Variants in PIP5K1B observed in about 807,000 individuals in gnomAD.
The protein encoded by PIP5K1B is phosphatidylinositol-4-phosphate 5-kinase type 1 beta.
A neutral mutation model predicts 67.0 loss-of-function variants in PIP5K1B; 42 were observed. The ratio of observed to expected loss-of-function variants is 0.63; its 90% CI spans 0.49 to 0.81. The LOEUF (loss-of-function observed/expected upper bound fraction) is 0.81. Among genes scored for constraint, PIP5K1B ranks in the 30% least tolerant of loss-of-function variants. The probability of loss-of-function intolerance (pLI) is 0.00; values close to 1 mark genes in which losing one functional copy is unlikely to be tolerated. For missense variants in PIP5K1B, 459 were observed against 646.3 expected, an observed-to-expected ratio of 0.71 and a Z score of 3.14; for synonymous variants, 214 against 231.4, an observed-to-expected ratio of 0.92 and a Z score of 0.68.
chr9:68,740,123 A>G (rs1828933286), intron 1 of PIP5K1B, among the ~76,000 whole-genome samples: 1 of 152,200 alleles, frequency 6.6e-6, no homozygotes, highest in African/African-American at 2.4e-5. Flanking sequence ...GGAGCAAAAC[A>G]GAAAGCCAGT....
intron 2 of PIP5K1B, chr9:68,780,796 A>G (rs377468438): frequency 2.5e-6 from 4 of 1,614,108 alleles, no homozygotes; most frequent in Non-Finnish European, 2.5e-6. Context: ...ATGGAAACTG[A>G]ATATCAGCCA....
chr9:68,950,216 A>T (rs1467769913), intron 14 of PIP5K1B, among the ~76,000 whole-genome samples: 1 of 152,090 alleles, frequency 6.6e-6, no homozygotes, highest in Non-Finnish European at 1.5e-5. Context: ...TTCTGTAGTC[A>T]AGCAGGGTAA....
At chr9:68,812,693 C>T (rs1440395210) in intron 2 of PIP5K1B, among the ~76,000 whole-genome samples, 1 of 152,218 alleles carries the variant, frequency 6.6e-6, no homozygotes, top group Non-Finnish European at 1.5e-5. Flanking sequence ...CTCCACTGTC[C>T]AATTCTTATC....
At chr9:68,877,608 T>C (rs2132322393) in intron 6 of PIP5K1B, among the ~76,000 whole-genome samples, 1 of 152,338 alleles carries the variant, frequency 6.6e-6, no homozygotes, top group South Asian at 2.1e-4. Flanking sequence ...ATAATGCTTT[T>C]CAGAGGAAGT....
chr9:68,838,157 A>G (rs1587533267), intron 4 of PIP5K1B, among the ~76,000 whole-genome samples: 1 of 145,754 alleles, frequency 6.9e-6, no homozygotes, highest in South Asian at 2.1e-4. Flanking sequence ...ATGTGAGTTT[A>G]TTTTGTAAAC....
chr9:68,796,369 A>T (rs1452791230), intron 2 of PIP5K1B, among the ~76,000 whole-genome samples: 2 of 152,232 alleles, frequency 1.3e-5, no homozygotes, highest in African/African-American at 4.8e-5. Context: ...AAATTTAAAG[A>T]CCACAAACAT....
At chr9:68,948,616 G>A (rs1184322819) in intron 14 of PIP5K1B, among the ~76,000 whole-genome samples, 2 of 147,400 alleles carry the variant, frequency 1.4e-5, no homozygotes, top group Non-Finnish European at 3.0e-5. Flanking sequence ...CTGCACTCCA[G>A]CCTGGGCAAC....
chr9:68,964,743 A>G (rs1364410732), intron 14 of PIP5K1B, among the ~76,000 whole-genome samples: 1 of 152,244 alleles, frequency 6.6e-6, no homozygotes, highest in Non-Finnish European at 1.5e-5. Context: ...CCATCTGGGA[A>G]GACTACCGTA....
At chr9:68,791,710 A>G (rs940593932) in intron 2 of PIP5K1B, among the ~76,000 whole-genome samples, 4 of 152,174 alleles carry the variant, frequency 2.6e-5, no homozygotes, top group Non-Finnish European at 5.9e-5. Flanking sequence ...CCTTTTCTAT[A>G]TAGTCTTTCT....
chr9:68,846,242 T>G (rs779427194), intron 4 of PIP5K1B, among the ~76,000 whole-genome samples: 72 of 152,330 alleles, frequency 4.7e-4, no homozygotes, highest in Non-Finnish European at 8.5e-4. Context: ...GATATTAATG[T>G]TTCAGATTGT....
intron 2 of PIP5K1B, among the ~76,000 whole-genome samples, chr9:68,801,228 A>T (rs1230286450): frequency 1.3e-5 from 2 of 152,140 alleles, no homozygotes; most frequent in African/African-American, 4.8e-5. Context: ...TTCTCAAAGG[A>T]GGGCTATCCA....
intron 2 of PIP5K1B, among the ~76,000 whole-genome samples, chr9:68,796,311 T>C (rs1481214231): frequency 2.2e-4 from 5 of 22,968 alleles, no homozygotes; most frequent in Non-Finnish European, 4.8e-4. Flanking sequence ...TTGTTTTCAA[T>C]TTTTTCCTCA....
intron 14 of PIP5K1B, among the ~76,000 whole-genome samples, chr9:68,969,538 A>G (rs1829243971): frequency 6.6e-6 from 1 of 152,114 alleles, no homozygotes; most frequent in Admixed American, 6.5e-5. Flanking sequence ...TACTAGGGGA[A>G]GAAAAAAAAA....
chr9:68,973,620 G>C (rs1489422774), intron 14 of PIP5K1B, among the ~76,000 whole-genome samples: 3 of 152,198 alleles, frequency 2.0e-5, no homozygotes, highest in African/African-American at 4.8e-5. Flanking sequence ...GAGCGTATTT[G>C]TGGTTCTTAA....
chr9:68,765,505 GT>G (rs1483736974), intron 2 of PIP5K1B, among the ~76,000 whole-genome samples: 1 of 152,000 alleles, frequency 6.6e-6, no homozygotes, highest in Non-Finnish European at 1.5e-5. Flanking sequence ...CCAAGCAGAA[GT>G]GCCAGAGCTA....
intron 14 of PIP5K1B, among the ~76,000 whole-genome samples, chr9:68,945,038 A>G (rs1376943553): frequency 6.7e-6 from 1 of 150,240 alleles, no homozygotes; most frequent in Non-Finnish European, 1.5e-5. Flanking sequence ...TTTTTTCCTA[A>G]CATGAGTTCT....
intron 2 of PIP5K1B, chr9:68,789,054 T>A (rs1185110790): frequency 2.1e-6 from 1 of 483,574 alleles, no homozygotes; most frequent in Non-Finnish European, 4.0e-6. Context: ...AATCATCCCC[T>A]GGGTTTCAGC....
intron 14 of PIP5K1B, among the ~76,000 whole-genome samples, chr9:68,980,681 G>A (rs1829848947): frequency 6.6e-6 from 1 of 152,168 alleles, no homozygotes; most frequent in African/African-American, 2.4e-5. Flanking sequence ...GGAACCAGGA[G>A]CTCAGTGTCA....
At chr9:68,792,627 C>T (rs1319614303) in intron 2 of PIP5K1B, among the ~76,000 whole-genome samples, 5 of 151,994 alleles carry the variant, frequency 3.3e-5, no homozygotes, top group Admixed American at 6.6e-5. Flanking sequence ...TACAGGCACC[C>T]GCCACCATGC....
Sources: gnomAD v4.1 joint callset for allele counts (sites outside exome capture counted in the v4.1 genomes callset) on GRCh38, gnomAD v4.1.1 for gene constraint, MANE v1.5 for transcripts, NCBI Gene and HGNC (gene_info 2026-07-23, HGNC 2026-07-21) for gene names.